The following PRPSAP2 variants were observed in gnomAD, a reference collection of about 807,000 sequenced individuals.
PRPSAP2 encodes phosphoribosyl pyrophosphate synthase-associated protein 2.
Under a neutral mutation model 40.6 loss-of-function variants are expected in PRPSAP2, and 24 were observed. That is an observed-to-expected ratio of 0.59 (90% CI 0.43 to 0.83). PRPSAP2 has a LOEUF of 0.83. Ranked by LOEUF, PRPSAP2 falls within the 40% of genes least tolerant of loss-of-function variation. The pLI is 0.00. For missense variants in PRPSAP2, 292 were observed against 465.6 expected, an observed-to-expected ratio of 0.63 and a Z score of 3.43; for synonymous variants, 149 against 164.7, an observed-to-expected ratio of 0.90 and a Z score of 0.73.
At chr17:18,885,864 G>T (rs62075125) in intron 7 of PRPSAP2, among the ~76,000 whole-genome samples, 9,652 of 152,150 alleles carry the variant, frequency 0.063, 374 homozygotes, top group South Asian at 0.083. Flanking sequence ...TGGGATTACA[G>T]GTGTGAACCA....
chr17:18,893,156 T>G (rs1473018356), intron 8 of PRPSAP2, among the ~76,000 whole-genome samples: 2 of 33,494 alleles, frequency 6.0e-5, no homozygotes, highest in Non-Finnish European at 1.5e-4. Flanking sequence ...AATTTATCTT[T>G]TTTTTTTTTT....
chr17:18,890,143 TTTA>T (rs1378669506), intron 8 of PRPSAP2, among the ~76,000 whole-genome samples: 2 of 151,034 alleles, frequency 1.3e-5, no homozygotes, highest in African/African-American at 2.4e-5. Flanking sequence ...TTCTTTTATT[TTTA>T]TTATTATTAT....
chr17:18,866,174 A>G (rs562023823), intron 3 of PRPSAP2, among the ~76,000 whole-genome samples: 58 of 152,084 alleles, frequency 3.8e-4, no homozygotes, highest in African/African-American at 1.4e-3. Flanking sequence ...AAACTATCCC[A>G]TCTCCCTACA....
In PRPSAP2 at chr17:18,928,958, G is replaced by T; in HGVS notation, c.951+1G>T. On this transcript the variant is annotated splice_donor_variant, in intron 11 of 11. Coordinates refer to ENST00000268835, the MANE Select transcript of PRPSAP2 (RefSeq NM_002767.4). LOFTEE classifies it high-confidence loss of function. ...GATTGAAGAGTCTGCCATTGATGAG[G>T]TAACAGGGTCTGGGTGTGTGTGGGT... 2.5e-6 allele frequency: 4 copies of T among 1,612,986 alleles called. No homozygotes were observed. The highest frequency in any genetic ancestry group is 3.4e-6 in the Non-Finnish European group (4 of 1,179,180).
chr17:18,910,303 T>C (rs1225940129), intron 8 of PRPSAP2, among the ~76,000 whole-genome samples: 2 of 152,110 alleles, frequency 1.3e-5, no homozygotes, highest in African/African-American at 4.8e-5. Flanking sequence ...ATGACTGTAG[T>C]TCTGGCTATT....
intron 9 of PRPSAP2, among the ~76,000 whole-genome samples, chr17:18,912,491 C>A (rs143024353): frequency 6.6e-6 from 1 of 152,190 alleles, no homozygotes; most frequent in Non-Finnish European, 1.5e-5. Flanking sequence ...AAAATACATT[C>A]ATTCTATCCT....
rs574203117 is a variant in PRPSAP2, at chr17:18,899,519, GTTTTTT to G, written c.584+9663_584+9668del. ...TCTGCTGTTGAGTATATCCAACTGAGTTTTTTTTTTTTTTTTTTTTTTTTTTGAGAC... is the reference window on the plus strand; with the variant it reads ...TCTGCTGTTGAGTATATCCAACTGAGTTTTTTTTTTTTTTTTTTTTGAGAC... On this transcript the variant is annotated intron_variant, in intron 8 of 11. Transcript: ENST00000268835. Among the ~76,000 whole-genome samples, 253 of 60,586 alleles carry G rather than the reference GTTTTTT, an allele frequency of 4.2e-3. 1 individual carries two copies. Among genetic ancestry groups the G allele is most frequent in the African/African-American group, 0.016 (241 of 14,642 alleles). 39.7% of individuals were successfully genotyped at this position (60,586 alleles called of 152,430 possible).
upstream of PRPSAP2, among the ~76,000 whole-genome samples, chr17:18,857,179 C>CA (rs1411021330): frequency 1.3e-5 from 2 of 151,662 alleles, no homozygotes; most frequent in African/African-American, 4.8e-5. Flanking sequence ...ACTAAAAATA[C>CA]AAAAAATTAG....
intron 8 of PRPSAP2, among the ~76,000 whole-genome samples, chr17:18,898,164 A>G (rs886754992): frequency 1.3e-5 from 2 of 151,572 alleles, no homozygotes; most frequent in Non-Finnish European, 2.9e-5. Flanking sequence ...ACGCCCAGCT[A>G]ATTTTTGTAT....
intron 7 of PRPSAP2, 34 bp downstream of exon 7, chr17:18,882,717 C>T (rs1435167774): frequency 7.6e-6 from 10 of 1,323,102 alleles, no homozygotes; most frequent in African/African-American, 1.5e-5. Context: ...TTTTAACATT[C>T]TGATTAAGGT....
intron 8 of PRPSAP2, among the ~76,000 whole-genome samples, chr17:18,898,727 T>G (rs2040074265): frequency 1.3e-5 from 2 of 152,206 alleles, no homozygotes; most frequent in Non-Finnish European, 2.9e-5. Flanking sequence ...TGAGATTGCT[T>G]TGGGTTTATC....
At chr17:18,909,575 C>T (rs1423796330) in intron 8 of PRPSAP2, among the ~76,000 whole-genome samples, 1 of 151,642 alleles carries the variant, frequency 6.6e-6, no homozygotes, top group Non-Finnish European at 1.5e-5. Flanking sequence ...GTTAAATATA[C>T]ACCTACTATA....
chr17:18,893,823 C>T (rs577236667), intron 8 of PRPSAP2, among the ~76,000 whole-genome samples: 9 of 152,258 alleles, frequency 5.9e-5, no homozygotes, highest in African/African-American at 2.2e-4. Context: ...ATGATCATCC[C>T]AAAGTATTGG....
chr17:18,908,892 C>CCCTTT, intron 8 of PRPSAP2: 1 of 497,552 alleles, frequency 2.0e-6, no homozygotes, highest in Non-Finnish European at 3.7e-6. Flanking sequence ...TCCTTTTCCT[C>CCCTTT]CCTTTCCTTT....
chr17:18,908,598 G>A lies in PRPSAP2; in HGVS notation c.585-2505G>A, dbSNP rs1393812272. ...TCTTCACGCTGATAATGGAGCTGAAGCCCAACATGGGTAGTGACCATGCCT... is the reference window on the plus strand; with the variant it reads ...TCTTCACGCTGATAATGGAGCTGAAACCCAACATGGGTAGTGACCATGCCT... On this transcript the variant is annotated intron_variant, in intron 8 of 11. Coordinates refer to ENST00000268835, the MANE Select transcript of PRPSAP2 (RefSeq NM_002767.4). 14 of 725,392 alleles carry A rather than the reference G, an allele frequency of 1.9e-5. No homozygotes were observed. In the East Asian group the frequency reaches 3.3e-4, roughly 17 times the overall value. 44.9% of individuals were successfully genotyped at this position (725,392 alleles called of 1,614,324 possible).
chr17:18,924,102 C>T, intron 10 of PRPSAP2, 118 bp downstream of exon 10: 8 of 939,448 alleles, frequency 8.5e-6, no homozygotes, highest in Admixed American at 2.4e-5. Flanking sequence ...TGCAGTGGCA[C>T]AATCTCGGCT....
intron 9 of PRPSAP2, among the ~76,000 whole-genome samples, chr17:18,916,126 T>C (rs1047413918): frequency 1.1e-4 from 17 of 152,026 alleles, no homozygotes; most frequent in Admixed American, 1.0e-3. Flanking sequence ...CCCAAATTTT[T>C]AACATAAGTT....
At chr17:18,871,623 T>C (rs1461785047) in intron 4 of PRPSAP2, among the ~76,000 whole-genome samples, 2 of 151,582 alleles carry the variant, frequency 1.3e-5, no homozygotes, top group Non-Finnish European at 2.9e-5. Flanking sequence ...GAATTGATAA[T>C]TGATGCTGAT....
chr17:18,906,980 C>T (rs911151448), intron 8 of PRPSAP2, among the ~76,000 whole-genome samples: 2 of 151,536 alleles, frequency 1.3e-5, no homozygotes, highest in Non-Finnish European at 2.9e-5. Context: ...GTATTTAGTA[C>T]TTTCTAGTGC....
Sources: gnomAD v4.1 joint callset for allele counts (sites outside exome capture counted in the v4.1 genomes callset) on GRCh38, gnomAD v4.1.1 for gene constraint, MANE v1.5 for transcripts, NCBI Gene and HGNC (gene_info 2026-07-23, HGNC 2026-07-21) for gene names.